The following FMNL3 variants were observed in gnomAD, a reference collection of about 807,000 sequenced individuals.
FMNL3 encodes the protein formin like 3, also known as formin-like protein 3.
A neutral mutation model predicts 119.6 loss-of-function variants in FMNL3; 57 were observed. The observed-to-expected ratio is 0.48, with a 90% CI of 0.39 to 0.59. The LOEUF (loss-of-function observed/expected upper bound fraction) is 0.59. FMNL3 is among the 20% of genes least tolerant of loss of function. The pLI is 0.00. For missense variants in FMNL3, 1,053 were observed against 1,323.5 expected, an observed-to-expected ratio of 0.80 and a Z score of 3.17; for synonymous variants, 491 against 507.3, an observed-to-expected ratio of 0.97 and a Z score of 0.43.
At chr12:49,691,021 T>C (rs1944586854) in intron 1 of FMNL3, among the ~76,000 whole-genome samples, 2 of 152,214 alleles carry the variant, frequency 1.3e-5, no homozygotes, top group African/African-American at 4.8e-5. Flanking sequence ...CCAGCCTGTG[T>C]GACAGTAAGA....
chr12:49,667,948 G>C (rs2138861686), intron 2 of FMNL3, among the ~76,000 whole-genome samples: 1 of 152,204 alleles, frequency 6.6e-6, no homozygotes, highest in East Asian at 1.9e-4. Context: ...TGTGTTAGAA[G>C]ACTCTCAACT....
At chr12:49,663,154 C>T (rs747179929) in intron 4 of FMNL3, among the ~76,000 whole-genome samples, 1 of 152,212 alleles carries the variant, frequency 6.6e-6, no homozygotes, top group Non-Finnish European at 1.5e-5. Context: ...CTCTGGGGGC[C>T]AACAGGCCTC....
chr12:49,702,926 C>A (rs1464142701), intron 1 of FMNL3, among the ~76,000 whole-genome samples: 1 of 152,152 alleles, frequency 6.6e-6, no homozygotes, highest in African/African-American at 2.4e-5. Flanking sequence ...TCAAAGGAGG[C>A]CCCTCAAAGC....
rs367838494 is a variant in FMNL3, at chr12:49,655,587, G to A, written c.886-603C>T. Among the ~76,000 whole-genome samples, 5 of 152,142 alleles carry A rather than the reference G, an allele frequency of 3.3e-5. No homozygotes were observed. The South Asian group carries it at 1.0e-3, about 32-fold the overall frequency. ...AGAAGAAACATAGGGGTCTGATGCT[G>A]CCAAGTTACTAAAGGAAGGAGGGAA... On this transcript the variant is annotated intron_variant, in intron 9 of 25. Transcript: ENST00000335154.
At position 49,687,789 on chromosome 12, in the gene FMNL3, A is replaced by C. The variant is rs1216724514; in HGVS notation, c.127-19235T>G. On this transcript the variant is annotated intron_variant, in intron 1 of 25. Transcript: ENST00000335154. ...TCTGCTTCCATCCTAGTGGGGCTAC[A>C]TGAGAAGCAAGACTGAATAATGCCT... is the stretch of plus-strand genomic sequence containing the variant. 2.0e-5 allele frequency among the ~76,000 whole-genome samples: 3 copies of C among 152,220 alleles called. No individual in the cohort carries two copies. In the East Asian group the frequency reaches 5.8e-4, roughly 29 times the overall value.
At chr12:49,693,669 A>G (rs1944675032) in intron 1 of FMNL3, among the ~76,000 whole-genome samples, 4 of 68,266 alleles carry the variant, frequency 5.9e-5, no homozygotes, top group East Asian at 4.6e-4. Context: ...TTTTTTTGAG[A>G]CAGAGTTTCG....
intron 1 of FMNL3, among the ~76,000 whole-genome samples, chr12:49,688,026 C>T (rs1416913759): frequency 2.0e-5 from 3 of 152,234 alleles, no homozygotes; most frequent in Non-Finnish European, 4.4e-5. Flanking sequence ...TAAAAGCTCC[C>T]TCTTCACTGA....
Position 49,658,542 on chromosome 12 carries a change from G to A in FMNL3, c.505C>T (p.Arg169Trp), listed in dbSNP as rs777311087. Residue 169 changes from arginine to tryptophan, a missense_variant, in exon 6 of 26, where the codon CGG becomes TGG. This residue lies in a region of FMNL3 where 264 missense variants were observed against 265.5 expected (regional missense o/e 0.99). Coordinates refer to ENST00000335154, the MANE Select transcript of FMNL3 (RefSeq NM_175736.5). ...TCCTCGATTGACCTGCTCCAGGACC[G>A]GAGTTTGTCAAATGCACCATCGTCA... ...SGDDGAFDKL[R>W]SWSRSIEDLQ... The A allele has an allele frequency of 1.4e-5, 23 of 1,613,148 alleles. No homozygotes were observed. The highest frequency in any genetic ancestry group is 8.0e-5 in the African/African-American group (6 of 74,872).
At chr12:49,704,391 C>G (rs1944986627) in intron 1 of FMNL3, among the ~76,000 whole-genome samples, 1 of 152,160 alleles carries the variant, frequency 6.6e-6, no homozygotes, top group South Asian at 2.1e-4. Flanking sequence ...AACAGTTTAT[C>G]TGACTGTTTC....
chr12:49,693,616 G>C (rs570244293), intron 1 of FMNL3, among the ~76,000 whole-genome samples: 2 of 129,700 alleles, frequency 1.5e-5, no homozygotes, highest in East Asian at 4.7e-4. Context: ...TGATCCACCC[G>C]CCTCAGCCTC....
intron 1 of FMNL3, among the ~76,000 whole-genome samples, chr12:49,672,530 T>C (rs1177410585): frequency 6.6e-6 from 1 of 152,240 alleles, no homozygotes; most frequent in Non-Finnish European, 1.5e-5. Flanking sequence ...GTTTGCCAGT[T>C]TGAGGCCAGG....
Position 49,649,208 on chromosome 12 carries a change from A to G in FMNL3, c.2386-50T>C. 3 of 1,613,138 alleles carry G rather than the reference A, an allele frequency of 1.9e-6. No homozygotes were observed. The highest frequency in any genetic ancestry group is 2.5e-6 in the Non-Finnish European group (3 of 1,179,472). On this transcript the variant is annotated intron_variant, in intron 20 of 25. Transcript: ENST00000335154. This position sits in a 1 kb window ranked among gnomAD's most constrained non-coding sequence, Gnocchi z 5.6. ...CACAAGAGCTAAGCACTCTGGCTCC[A>G]CAACTGCTGCCCCCCAGGCTTCCTG...
Position 49,643,215 on chromosome 12 carries a change from C to G in FMNL3, c.*2600G>C. 6.2e-7 allele frequency: 1 copy of G among 1,613,908 alleles called. No individual in the cohort carries two copies. The highest frequency in any genetic ancestry group is 1.1e-5 in the South Asian group (1 of 91,026). Reference sequence around the variant, plus strand: ...TCTGCACTGACATGTATCTGCTGATCTGCCCAGGGCTCTGAGTCAGAAGAA... The same window carrying G: ...TCTGCACTGACATGTATCTGCTGATGTGCCCAGGGCTCTGAGTCAGAAGAA... On this transcript the variant is annotated 3_prime_UTR_variant, in exon 26 of 26. Transcript: ENST00000335154.
chr12:49,642,229 C>T lies in FMNL3; in HGVS notation c.*3586G>A, dbSNP rs1006693427. ...TGACCCTGTTCCGTGTCCCTTCTTTCCTCAGCTGCTGGAGAAAGCAGAGGC... is the reference window on the plus strand; with the variant it reads ...TGACCCTGTTCCGTGTCCCTTCTTTTCTCAGCTGCTGGAGAAAGCAGAGGC... On this transcript the variant is annotated 3_prime_UTR_variant, in exon 26 of 26. Coordinates refer to ENST00000335154, the MANE Select transcript of FMNL3 (RefSeq NM_175736.5). This position sits in a 1 kb window ranked among gnomAD's most constrained non-coding sequence, Gnocchi z 5.8. 30 of 1,614,144 alleles carry T rather than the reference C, an allele frequency of 1.9e-5. No homozygotes were observed. Among genetic ancestry groups the T allele is most frequent in the Admixed American group, 5.0e-5 (3 of 60,030 alleles).
chr12:49,656,444 C>T lies in FMNL3; in HGVS notation c.845G>A (p.Gly282Asp), dbSNP rs762088731. 1 of 1,614,124 alleles carries T rather than the reference C, an allele frequency of 6.2e-7. No individual in the cohort carries two copies. The highest frequency in any genetic ancestry group is 8.5e-7 in the Non-Finnish European group (1 of 1,179,982). Residue 282 changes from glycine to aspartate, a missense_variant, in exon 9 of 26, where the codon GGT becomes GAT. This residue lies in a region of FMNL3 where 445 missense variants were observed against 628.4 expected (regional missense o/e 0.71). Transcript: ENST00000335154. The stretch of plus-strand genomic sequence containing the variant: ...AAAGGCAGCAAGGATGATTTCGTGA[C>T]CTCCTCGCACCAAACACACAGCTGC... ...LLAAVCLVRG[G>D]HEIILAAFDN...
intron 4 of FMNL3, among the ~76,000 whole-genome samples, chr12:49,665,060 C>T (rs765645815): frequency 8.5e-5 from 13 of 152,124 alleles, no homozygotes; most frequent in South Asian, 2.1e-4. Flanking sequence ...AGCACACATA[C>T]GCACACATAT....
chr12:49,648,841 G>T (rs1943298720), intron 21 of FMNL3, among the ~76,000 whole-genome samples, 188 bp downstream of exon 21: 1 of 152,240 alleles, frequency 6.6e-6, no homozygotes, highest in South Asian at 2.1e-4. Flanking sequence ...GCCAGGCCTG[G>T]CGCCTGGAGG....
rs1431205535 is a variant in FMNL3, at chr12:49,652,203, C to T, written c.1333G>A (p.Glu445Lys). Residue 445 changes from glutamate (E) to lysine (K), a missense_variant, in exon 14 of 26, where the codon GAG becomes AAG. This residue lies in a region of FMNL3 where 445 missense variants were observed against 628.4 expected (regional missense o/e 0.71). Coordinates refer to ENST00000335154, the MANE Select transcript of FMNL3 (RefSeq NM_175736.5). ...KELESIKETY[E>K]NTSHQVHTLR... ...GTGTGCACCTGGTGGCTTGTGTTCT[C>T]ATATGTCTCCTGGCAGGCAGACAGC... The T allele has an allele frequency of 3.1e-6, 5 of 1,612,180 alleles. No homozygotes were observed. The East Asian group carries it at 6.7e-5, about 22-fold the overall frequency.
At chr12:49,660,641 G>A (rs1259165787) in intron 5 of FMNL3, among the ~76,000 whole-genome samples, 1 of 152,200 alleles carries the variant, frequency 6.6e-6, no homozygotes, top group Non-Finnish European at 1.5e-5. Context: ...GAATGGCCAA[G>A]GGGGCAAGGA....
Sources: gnomAD v4.1 joint callset for allele counts (sites outside exome capture counted in the v4.1 genomes callset) on GRCh38, gnomAD v4.1.1 for gene constraint, gnomAD v4.1.1 regional missense constraint, Gnocchi (gnomAD v3.1) non-coding constraint, MANE v1.5 for transcripts, NCBI Gene and HGNC (gene_info 2026-07-23, HGNC 2026-07-21) for gene names.